Variants in NUDT9 observed in about 807,000 individuals in gnomAD.
The protein encoded by NUDT9 is ADP-ribose pyrophosphatase.
NUDT9 carries 31 observed loss-of-function variants against 41.0 expected under a neutral mutation model. The observed-to-expected ratio is 0.76, with a 90% CI of 0.57 to 1.02. NUDT9 has a LOEUF of 1.02. NUDT9 is among the 50% of genes least tolerant of loss of function. The probability of loss-of-function intolerance (pLI) is 0.00; values close to 1 mark genes in which losing one functional copy is unlikely to be tolerated. For missense variants in NUDT9, 380 were observed against 431.4 expected, an observed-to-expected ratio of 0.88 and a Z score of 1.06; for synonymous variants, 146 against 147.6, an observed-to-expected ratio of 0.99 and a Z score of 0.08.
Position 87,449,246 on chromosome 4 carries a change from T to G in NUDT9, c.635T>G (p.Ile212Ser), listed in dbSNP as rs1445561775. The G allele has an allele frequency of 6.5e-7, 1 of 1,539,170 alleles. No homozygotes were observed. Among genetic ancestry groups the G allele is most frequent in the Non-Finnish European group, 9.0e-7 (1 of 1,112,194 alleles). The part of the protein sequence containing the change: ...IKRKDCGEWA[I>S]PGGMVDPGEK... The stretch of plus-strand genomic sequence containing the variant: ...AGGAAAGACTGTGGAGAATGGGCAA[T>G]CCCAGGGGTAAGCATTAAAATTAAA... The change falls in exon 5 of 8, where the codon ATC becomes AGC. Residue 212 changes from isoleucine to serine, a missense_variant. By Grantham distance (142) the Ile-to-Ser change is moderately radical. Coordinates refer to ENST00000302174, the MANE Select transcript of NUDT9 (RefSeq NM_024047.5).
Position 87,437,556 on chromosome 4 carries a change from A to G in NUDT9, c.348-721A>G, listed in dbSNP as rs1473148939. Reference sequence around the variant, plus strand: ...ATGGGGTTCCACCATGTTAGCCAGGATGGTCTTGATCTCCTGACCTTGTGA... The same window carrying G: ...ATGGGGTTCCACCATGTTAGCCAGGGTGGTCTTGATCTCCTGACCTTGTGA... On this transcript the variant is annotated intron_variant, in intron 2 of 7. Coordinates refer to ENST00000302174, the MANE Select transcript of NUDT9 (RefSeq NM_024047.5). Among the ~76,000 whole-genome samples the G allele has an allele frequency of 3.3e-5, 5 of 151,740 alleles. No homozygotes were observed. The South Asian group carries it at 8.3e-4, about 25-fold the overall frequency.
chr4:87,452,702 C>T (rs757999868), intron 6 of NUDT9, among the ~76,000 whole-genome samples: 2 of 151,812 alleles, frequency 1.3e-5, no homozygotes, highest in Non-Finnish European at 2.9e-5. Context: ...GATCCCCCCA[C>T]CTCGACCTCC....
At chr4:87,437,600 C>T (rs1020281940) in intron 2 of NUDT9, among the ~76,000 whole-genome samples, 1 of 151,888 alleles carries the variant, frequency 6.6e-6, no homozygotes, top group Non-Finnish European at 1.5e-5. Context: ...CCTTGGCCTC[C>T]CAAAGTGCTG....
rs571438033 is a variant in NUDT9 at position 87,451,641 on chromosome 4, G to T, written c.695G>T (p.Gly232Val). The T allele has an allele frequency of 1.2e-6, 2 of 1,613,814 alleles. No homozygotes were observed. Among genetic ancestry groups the T allele is most frequent in the South Asian group, 2.2e-5 (2 of 91,084 alleles). ...AGTGCCACACTGAAAAGAGAATTTGGTGAGGAAGCTCTCAACTCCTTACAG... is the reference window on the plus strand; with the variant it reads ...AGTGCCACACTGAAAAGAGAATTTGTTGAGGAAGCTCTCAACTCCTTACAG... ...KISATLKREFGEEALNSLQKT... is the reference protein window; with the variant it reads ...KISATLKREFVEEALNSLQKT... The change falls in exon 6 of 8, where the codon GGT (glycine) becomes GTT (valine). Residue 232 changes from glycine (G) to valine (V), a missense_variant. Physicochemically the swap from Gly to Val is moderately radical, Grantham distance 109 (BLOSUM62 -3). Transcript: ENST00000302174.
Position 87,422,833 on chromosome 4 carries a change from G to A in NUDT9, c.-73G>A. The stretch of plus-strand genomic sequence containing the variant: ...CAGATACCCGCGGCCGGGACTCGGA[G>A]CTGTGGGGTGTGGGGAGGCGGAGGC... On this transcript the variant is annotated 5_prime_UTR_variant, in exon 1 of 8. Transcript: ENST00000302174. The A allele has an allele frequency of 8.4e-7, 1 of 1,189,760 alleles. No homozygotes were observed. The highest frequency in any genetic ancestry group is 1.5e-5 in the African/African-American group (1 of 64,872). 73.7% of individuals were successfully genotyped at this position (1,189,760 alleles called of 1,614,324 possible).
intron 5 of NUDT9, among the ~76,000 whole-genome samples, chr4:87,450,308 A>G (rs944825897): frequency 6.6e-6 from 1 of 152,154 alleles, no homozygotes; most frequent in Non-Finnish European, 1.5e-5. Flanking sequence ...TCTGTGTAGA[A>G]TAAAAATGAG....
chr4:87,444,475 T>C lies in NUDT9; in HGVS notation c.530+2560T>C, dbSNP rs184869291. ...ACCTACCTACTTACTTAACTACTGATCAGCCTACCTCTCCATCCACATACT... is the reference window on the plus strand; with the variant it reads ...ACCTACCTACTTACTTAACTACTGACCAGCCTACCTCTCCATCCACATACT... On this transcript the variant is annotated intron_variant, in intron 4 of 7. Coordinates refer to ENST00000302174, the MANE Select transcript of NUDT9 (RefSeq NM_024047.5). 3.9e-4 allele frequency among the ~76,000 whole-genome samples: 60 copies of C among 152,244 alleles called. 1 individual carries two copies. Among genetic ancestry groups the C allele is most frequent in the African/African-American group, 1.4e-3 (60 of 41,558 alleles).
Position 87,435,238 on chromosome 4 carries a change from C to A in NUDT9, c.347+18C>A, listed in dbSNP as rs372795748. ...CAGATCAGGTGAGCAAATAAGACAG[C>A]GTTAGCTGGGAATAAGACTTTTAGA... On this transcript the variant is annotated intron_variant, in intron 2 of 7. Coordinates refer to ENST00000302174, the MANE Select transcript of NUDT9 (RefSeq NM_024047.5). 1 of 1,587,470 alleles carries A rather than the reference C, an allele frequency of 6.3e-7. No individual in the cohort carries two copies. Among genetic ancestry groups the A allele is most frequent in the South Asian group, 1.2e-5 (1 of 86,460 alleles).
At chr4:87,451,092 C>G (rs757125346) in intron 5 of NUDT9, among the ~76,000 whole-genome samples, 60 of 152,182 alleles carry the variant, frequency 3.9e-4, no homozygotes, top group Admixed American at 9.8e-4. Flanking sequence ...GAGAAGACCT[C>G]CCTGAGGAGG....
chr4:87,451,150 G>A (rs1722691405), intron 5 of NUDT9, among the ~76,000 whole-genome samples: 1 of 152,160 alleles, frequency 6.6e-6, no homozygotes. Flanking sequence ...GAACCATGCA[G>A]ATATCTAGAG....
intron 1 of NUDT9, among the ~76,000 whole-genome samples, chr4:87,427,612 C>T (rs901094956): frequency 3.3e-5 from 5 of 152,076 alleles, no homozygotes; most frequent in Non-Finnish European, 7.3e-5. Context: ...TCTGTCTTGT[C>T]AAGTAGGTAG....
intron 1 of NUDT9, among the ~76,000 whole-genome samples, chr4:87,433,337 T>C (rs1166028693): frequency 6.6e-6 from 1 of 152,212 alleles, no homozygotes; most frequent in African/African-American, 2.4e-5. Context: ...CCTTTCTCTA[T>C]CTTTCATGAC....
chr4:87,453,063 C>T (rs1432436289), intron 6 of NUDT9, among the ~76,000 whole-genome samples: 2 of 152,078 alleles, frequency 1.3e-5, no homozygotes, highest in Admixed American at 6.5e-5. Context: ...CCGCCTGCCT[C>T]GGCCTCCCAA....
intron 4 of NUDT9, among the ~76,000 whole-genome samples, chr4:87,446,462 T>G (rs1164946173): frequency 6.6e-6 from 1 of 152,096 alleles, no homozygotes; most frequent in Non-Finnish European, 1.5e-5. Context: ...CTTGATCTCT[T>G]GACTTCGTGA....
intron 4 of NUDT9, among the ~76,000 whole-genome samples, chr4:87,446,290 C>G (rs548082992): frequency 2.7e-5 from 4 of 147,412 alleles, no homozygotes; most frequent in Admixed American, 2.1e-4. Context: ...GCTCTGTCGC[C>G]CAGGCTGGAG....
intron 5 of NUDT9, among the ~76,000 whole-genome samples, chr4:87,449,935 T>C (rs940957784): frequency 1.3e-5 from 2 of 152,164 alleles, no homozygotes; most frequent in African/African-American, 4.8e-5. Context: ...CAATCTTGGC[T>C]CATTGCAACC....
intron 1 of NUDT9, among the ~76,000 whole-genome samples, chr4:87,426,643 C>G (rs1453877097): frequency 6.6e-6 from 1 of 151,746 alleles, no homozygotes; most frequent in African/African-American, 2.4e-5. Context: ...AACTCCTGAC[C>G]TTGCGATCGC....
chr4:87,430,858 A>G (rs887122843), intron 1 of NUDT9, among the ~76,000 whole-genome samples: 1 of 152,142 alleles, frequency 6.6e-6, no homozygotes, highest in African/African-American at 2.4e-5. Flanking sequence ...TGTGATTACC[A>G]AGTATCTTTT....
intron 1 of NUDT9, among the ~76,000 whole-genome samples, chr4:87,426,704 T>A (rs1196907933): frequency 6.6e-6 from 1 of 151,492 alleles, no homozygotes; most frequent in African/African-American, 2.4e-5. Context: ...CCACTGCGCC[T>A]GGCCTTAATG....
Sources: allele counts gnomAD v4.1 joint callset (sites outside exome capture counted in the v4.1 genomes callset), GRCh38; gene constraint gnomAD v4.1.1; transcripts MANE v1.5; gene names NCBI Gene and HGNC (gene_info 2026-07-23, HGNC 2026-07-21).